Variants in SLC39A11 observed in about 807,000 individuals in gnomAD.
SLC39A11 encodes the protein solute carrier family 39 member 11, also known as zinc transporter ZIP11.
SLC39A11 carries 33 observed loss-of-function variants against 36.1 expected under a neutral mutation model. The ratio of observed to expected loss-of-function variants is 0.91; its 90% CI spans 0.69 to 1.22. The LOEUF (loss-of-function observed/expected upper bound fraction) is 1.22, where lower values mean the gene tolerates loss of function less well. Ranked by LOEUF, SLC39A11 falls within the 50% of genes most tolerant of loss-of-function variation. The pLI is 0.00. For synonymous variants in SLC39A11, 166 were observed against 170.3 expected (o/e 0.97, Z 0.20); for missense variants, 432 against 430.3 (o/e 1.00, Z -0.03).
intron 4 of SLC39A11, among the ~76,000 whole-genome samples, chr17:72,988,744 T>C (rs1337164102): frequency 2.0e-5 from 3 of 152,188 alleles, no homozygotes; most frequent in Non-Finnish European, 2.9e-5. Context: ...AGTCTCACTC[T>C]GTTGCCCAGT....
At chr17:72,781,427 T>G (rs2466506) in intron 6 of SLC39A11, among the ~76,000 whole-genome samples, 3,259 of 151,712 alleles carry the variant, frequency 0.021, 82 homozygotes, top group African/African-American at 0.058. Flanking sequence ...TTTTTTTTTC[T>G]TTTTTCTTTT....
chr17:72,853,482 G>A (rs1030229440), intron 5 of SLC39A11, among the ~76,000 whole-genome samples: 3 of 152,044 alleles, frequency 2.0e-5, no homozygotes, highest in African/African-American at 7.3e-5. Flanking sequence ...ATCTCCTGCA[G>A]ATACCGCACA....
At chr17:72,903,699 T>C (rs2082509992) in intron 5 of SLC39A11, among the ~76,000 whole-genome samples, 1 of 152,130 alleles carries the variant, frequency 6.6e-6, no homozygotes, top group South Asian at 2.1e-4. Context: ...GAGAAGATAA[T>C]GGAGGAAATC....
intron 6 of SLC39A11, among the ~76,000 whole-genome samples, chr17:72,767,972 T>A (rs1325961917): frequency 3.3e-5 from 5 of 151,482 alleles, no homozygotes; most frequent in Non-Finnish European, 5.9e-5. Flanking sequence ...TCAAAGGCAG[T>A]TTGGGTGAAG....
At chr17:72,902,995 G>A (rs1001760269) in intron 5 of SLC39A11, among the ~76,000 whole-genome samples, 10 of 152,186 alleles carry the variant, frequency 6.6e-5, no homozygotes, top group South Asian at 2.1e-4. Context: ...GGCCGGGCTC[G>A]GCGGCTCATG....
intron 6 of SLC39A11, among the ~76,000 whole-genome samples, chr17:72,838,680 C>A (rs4793491): frequency 0.38 from 57,144 of 152,052 alleles, 13,170 homozygotes; most frequent in Non-Finnish European, 0.5. Context: ...GAAAATGCCA[C>A]ACAATAAAGT....
intron 4 of SLC39A11, among the ~76,000 whole-genome samples, chr17:73,026,132 G>A (rs1250572703): frequency 2.8e-5 from 4 of 144,906 alleles, no homozygotes; most frequent in East Asian, 2.2e-4. Context: ...AGAGAGAAGA[G>A]AAGAGAAGAG....
intron 3 of SLC39A11, 44 bp downstream of exon 3, chr17:73,084,764 T>A: frequency 6.2e-7 from 1 of 1,606,606 alleles, no homozygotes; most frequent in Non-Finnish European, 8.5e-7. Flanking sequence ...CATGTCAGAA[T>A]CAGTATGCCT....
intron 4 of SLC39A11, among the ~76,000 whole-genome samples, chr17:72,994,314 A>C (rs1454777113): frequency 6.6e-6 from 1 of 152,224 alleles, no homozygotes; most frequent in Non-Finnish European, 1.5e-5. Context: ...AAAGAAGCAA[A>C]ATACACAACT....
chr17:72,726,088 G>C (rs971269553), intron 7 of SLC39A11, among the ~76,000 whole-genome samples: 4 of 152,188 alleles, frequency 2.6e-5, no homozygotes, highest in Non-Finnish European at 5.9e-5. Context: ...TGCTAGGCAG[G>C]GAGGAGGTTA....
intron 6 of SLC39A11, among the ~76,000 whole-genome samples, chr17:72,784,728 C>T (rs552202647): frequency 2.2e-4 from 33 of 152,130 alleles, no homozygotes; most frequent in African/African-American, 8.0e-4. Context: ...ATGTGATATG[C>T]CTGCTCCCCC....
intron 7 of SLC39A11, among the ~76,000 whole-genome samples, chr17:72,713,684 A>AT (rs1208752939): frequency 1.3e-5 from 2 of 152,170 alleles, no homozygotes; most frequent in African/African-American, 4.8e-5. Context: ...ATTGGACCCC[A>AT]AGTCTAGCTG....
intron 5 of SLC39A11, among the ~76,000 whole-genome samples, chr17:72,877,500 C>T (rs937428087): frequency 2.0e-5 from 3 of 152,228 alleles, no homozygotes; most frequent in Non-Finnish European, 4.4e-5. Context: ...CTCAACCTTT[C>T]TTTCGCAATC....
At chr17:72,711,096 T>G (rs375415433) in intron 7 of SLC39A11, among the ~76,000 whole-genome samples, 5 of 152,264 alleles carry the variant, frequency 3.3e-5, no homozygotes, top group South Asian at 2.1e-4. Context: ...GCCTCTCCCT[T>G]TCCTCCTTCC....
At chr17:72,914,055 C>T (rs2083188540) in intron 5 of SLC39A11, among the ~76,000 whole-genome samples, 1 of 150,592 alleles carries the variant, frequency 6.6e-6, no homozygotes, top group African/African-American at 2.4e-5. Flanking sequence ...TGACTCACGC[C>T]TGTAATCCCA....
At chr17:73,006,098 T>C (rs2148450630) in intron 4 of SLC39A11, among the ~76,000 whole-genome samples, 1 of 152,140 alleles carries the variant, frequency 6.6e-6, no homozygotes, top group South Asian at 2.1e-4. Flanking sequence ...ACATGTCCCG[T>C]ACAGAAAAAA....
intron 7 of SLC39A11, among the ~76,000 whole-genome samples, chr17:72,706,853 A>G (rs1262479692): frequency 1.3e-5 from 2 of 152,154 alleles, no homozygotes; most frequent in African/African-American, 2.4e-5. Flanking sequence ...GCCCAACACA[A>G]TTCAAACAGA....
chr17:72,841,578 T>C (rs2078810246), intron 6 of SLC39A11, among the ~76,000 whole-genome samples: 1 of 151,986 alleles, frequency 6.6e-6, no homozygotes, highest in Admixed American at 6.6e-5. Flanking sequence ...CGGGGGAAAG[T>C]AGTGATGGTT....
rs1014691519 is a variant in SLC39A11 at position 72,646,523 on chromosome 17, C to A, written c.*1061G>T. On this transcript the variant is annotated 3_prime_UTR_variant, in exon 10 of 10. Coordinates refer to ENST00000255559, the MANE Select transcript of SLC39A11 (RefSeq NM_139177.4). ...AAGGGGAAATGTAAAATTACCTCTT[C>A]TTTTCCTATCCCCTTCTTCCTTTCC... The A allele has an allele frequency of 2.6e-5, 4 of 152,372 alleles. No individual in the cohort carries two copies. The highest frequency in any genetic ancestry group is 5.9e-5 in the Non-Finnish European group (4 of 68,042). The allele number at this position is 152,372 out of a possible 1,614,324, so 9.4% of individuals were successfully genotyped here. A position where few individuals can be genotyped will look rare whatever the true frequency, so the allele number is the denominator to read the frequency against.
Sources: gnomAD v4.1 joint callset for allele counts (sites outside exome capture counted in the v4.1 genomes callset) on GRCh38, gnomAD v4.1.1 for gene constraint, MANE v1.5 for transcripts, NCBI Gene and HGNC (gene_info 2026-07-23, HGNC 2026-07-21) for gene names.